The following DLG2 variants were observed in gnomAD, a reference collection of about 807,000 sequenced individuals.
The protein encoded by DLG2 is discs large MAGUK scaffold protein 2.
Under a neutral mutation model 132.5 loss-of-function variants are expected in DLG2, and 45 were observed. The observed-to-expected ratio is 0.34, with a 90% CI of 0.27 to 0.44. The LOEUF (loss-of-function observed/expected upper bound fraction) is 0.44. DLG2 is among the 20% of genes least tolerant of loss of function. The pLI, the probability that DLG2 is intolerant of heterozygous loss-of-function variation, is 1.00. For synonymous variants in DLG2, 424 were observed against 419.6 expected, an observed-to-expected ratio of 1.01 and a Z score of -0.13; for missense variants, 1,045 against 1,196.9, an observed-to-expected ratio of 0.87 and a Z score of 1.87.
intron 3 of DLG2, among the ~76,000 whole-genome samples, chr11:85,347,797 C>CT (rs1168590401): frequency 0.015 from 1,402 of 94,918 alleles, 185 homozygotes; most frequent in African/African-American, 0.038. Flanking sequence ...AAGAGGCACT[C>CT]TTTTTTTTTT....
At chr11:84,895,614 C>T (rs1465003751) in intron 6 of DLG2, among the ~76,000 whole-genome samples, 2 of 152,032 alleles carry the variant, frequency 1.3e-5, no homozygotes, top group East Asian at 3.9e-4. Context: ...CACACCAGTA[C>T]CAAATTAAAA....
At position 84,422,971 on chromosome 11, in the gene DLG2, A is replaced by G. The variant is rs182964619; in HGVS notation, c.519+111599T>C. 1.8e-3 allele frequency among the ~76,000 whole-genome samples: 269 copies of G among 152,248 alleles called. 3 individuals carry two copies. The highest frequency in any genetic ancestry group is 6.2e-3 in the African/African-American group (258 of 41,558). ...GCTTTCTTGTTACAAAATCTTATCA[A>G]AGTAGTAATGGAAGTTGAAAGATTT... On this transcript the variant is annotated intron_variant, in intron 7 of 27. Transcript: ENST00000376104.
chr11:83,637,248 A>T (rs1218082799), intron 18 of DLG2, among the ~76,000 whole-genome samples: 1 of 152,170 alleles, frequency 6.6e-6, no homozygotes, highest in Admixed American at 6.5e-5. Flanking sequence ...CAAATGTTTT[A>T]CTCATATCTA....
intron 11 of DLG2, among the ~76,000 whole-genome samples, chr11:83,980,972 TAGGTGAGCC>T (rs545499705): frequency 4.6e-5 from 7 of 152,170 alleles, no homozygotes; most frequent in Non-Finnish European, 1.0e-4. Flanking sequence ...GGAGGAATCC[TAGGTGAGCC>T]AGGAAAAAGA....
intron 7 of DLG2, among the ~76,000 whole-genome samples, chr11:84,432,764 C>A (rs886177596): frequency 4.6e-5 from 7 of 152,104 alleles, no homozygotes; most frequent in Non-Finnish European, 7.4e-5. Flanking sequence ...TGGGGGCTCA[C>A]ACCTATAATC....
At chr11:83,787,447 A>AAGT (rs562279528) in intron 17 of DLG2, among the ~76,000 whole-genome samples, 2,438 of 148,102 alleles carry the variant, frequency 0.016, 67 homozygotes, top group African/African-American at 0.058. Context: ...TCAGCCTCCC[A>AAGT]AGTAGCTGGG....
chr11:84,764,011 T>G (rs1322660416), intron 6 of DLG2, among the ~76,000 whole-genome samples: 1 of 152,138 alleles, frequency 6.6e-6, no homozygotes, highest in Non-Finnish European at 1.5e-5. Context: ...TTTCCTGGCT[T>G]ACAATTAGTA....
intron 2 of DLG2, among the ~76,000 whole-genome samples, chr11:85,613,945 G>T (rs575596546): frequency 1.3e-5 from 2 of 152,230 alleles, no homozygotes; most frequent in African/African-American, 4.8e-5. Context: ...CAGGAGGAAT[G>T]AACAACTCTG....
chr11:84,535,539 T>C (rs1392635181), intron 6 of DLG2, among the ~76,000 whole-genome samples: 2 of 152,182 alleles, frequency 1.3e-5, no homozygotes, highest in Non-Finnish European at 2.9e-5. Context: ...CAAACAGATA[T>C]AAGGAAGTTG....
chr11:83,942,030 C>A (rs1315452213), intron 14 of DLG2, among the ~76,000 whole-genome samples: 1 of 152,174 alleles, frequency 6.6e-6, no homozygotes, highest in Non-Finnish European at 1.5e-5. Context: ...TTCCAGAAAT[C>A]TGTTCTACAA....
intron 7 of DLG2, among the ~76,000 whole-genome samples, chr11:84,377,114 T>C (rs1423753557): frequency 1.3e-5 from 2 of 152,104 alleles, no homozygotes; most frequent in Non-Finnish European, 2.9e-5. Context: ...GTAATACAAA[T>C]TACATGCACC....
chr11:85,485,695 A>G (rs1325276396), intron 3 of DLG2, among the ~76,000 whole-genome samples: 1 of 152,206 alleles, frequency 6.6e-6, no homozygotes, highest in African/African-American at 2.4e-5. Context: ...AGGCTTTTGC[A>G]TTCTTGGCTA....
chr11:85,458,238 G>A (rs1019340287), intron 3 of DLG2, among the ~76,000 whole-genome samples: 1 of 151,918 alleles, frequency 6.6e-6, no homozygotes, highest in Admixed American at 6.6e-5. Context: ...GTTAACACTT[G>A]TGATTGCATT....
chr11:83,645,052 T>A (rs1566250338), intron 18 of DLG2, among the ~76,000 whole-genome samples: 1 of 151,972 alleles, frequency 6.6e-6, no homozygotes, highest in Non-Finnish European at 1.5e-5. Flanking sequence ...CTTTCACTGG[T>A]TGGGTGAGAA....
chr11:84,132,766 G>C (rs2094465903), intron 9 of DLG2, among the ~76,000 whole-genome samples: 1 of 151,940 alleles, frequency 6.6e-6, no homozygotes, highest in African/African-American at 2.4e-5. Flanking sequence ...TAGCTAATTT[G>C]AATTGGAAGG....
intron 6 of DLG2, among the ~76,000 whole-genome samples, chr11:84,920,599 A>C (rs1271295568): frequency 6.6e-6 from 1 of 152,156 alleles, no homozygotes; most frequent in Non-Finnish European, 1.5e-5. Flanking sequence ...GTTTCTATCT[A>C]TCCTAGTTTC....
chr11:85,355,322 T>A (rs905549595), intron 3 of DLG2, among the ~76,000 whole-genome samples: 1 of 152,190 alleles, frequency 6.6e-6, no homozygotes, highest in Non-Finnish European at 1.5e-5. Flanking sequence ...AAAACATTTT[T>A]AAAATGAGTG....
At chr11:83,719,082 A>G (rs924993906) in intron 18 of DLG2, among the ~76,000 whole-genome samples, 9 of 152,348 alleles carry the variant, frequency 5.9e-5, no homozygotes, top group Middle Eastern at 6.8e-3. Context: ...CAGTTTAAAA[A>G]TACCCTGCAC....
At chr11:85,582,792 G>A (rs1591002905) in intron 3 of DLG2, among the ~76,000 whole-genome samples, 2 of 143,138 alleles carry the variant, frequency 1.4e-5, no homozygotes, top group Admixed American at 1.5e-4. Flanking sequence ...AGGCTTTGCT[G>A]AAAGCATTTA....
Sources: gnomAD v4.1 joint callset for allele counts (sites outside exome capture counted in the v4.1 genomes callset) on GRCh38, gnomAD v4.1.1 for gene constraint, MANE v1.5 for transcripts, NCBI Gene and HGNC (gene_info 2026-07-23, HGNC 2026-07-21) for gene names.